The following FAM219A variants were observed in gnomAD, a reference collection of about 807,000 sequenced individuals.
FAM219A encodes family with sequence similarity 219 member A, also known as protein FAM219A.
A neutral mutation model predicts 23.4 loss-of-function variants in FAM219A; 7 were observed. That is an observed-to-expected ratio of 0.30 (90% CI 0.17 to 0.56). FAM219A has a LOEUF of 0.56. Ranked by LOEUF, FAM219A falls within the 20% of genes least tolerant of loss-of-function variation. The pLI, the probability that FAM219A is intolerant of heterozygous loss-of-function variation, is 0.92. For missense variants in FAM219A, 166 were observed against 246.9 expected (o/e 0.67, Z 2.20); for synonymous variants, 93 against 99.0 (o/e 0.94, Z 0.36).
At chr9:34,415,861 G>C (rs1821983483) in intron 1 of FAM219A, among the ~76,000 whole-genome samples, 3 of 152,176 alleles carry the variant, frequency 2.0e-5, no homozygotes, top group Non-Finnish European at 2.9e-5. Flanking sequence ...CTGATGTTCA[G>C]AAAGAAGTAA....
intron 1 of FAM219A, among the ~76,000 whole-genome samples, chr9:34,413,387 C>T (rs1312702511): frequency 4.6e-5 from 7 of 152,252 alleles, no homozygotes; most frequent in Admixed American, 3.3e-4. Context: ...CCTCATCTGT[C>T]ACCCAGCCAT....
intron 1 of FAM219A, among the ~76,000 whole-genome samples, chr9:34,454,570 A>T (rs1246908460): frequency 6.6e-6 from 1 of 151,960 alleles, no homozygotes; most frequent in African/African-American, 2.4e-5. Context: ...GAGGGAAGCC[A>T]CTCCTTTCAG....
chr9:34,404,525 T>G (rs1821563218), intron 2 of FAM219A, among the ~76,000 whole-genome samples: 1 of 152,174 alleles, frequency 6.6e-6, no homozygotes, highest in Non-Finnish European at 1.5e-5. Context: ...CTGGCCAACA[T>G]GGCGAAAGCC....
At chr9:34,406,150 G>A (rs950389220) in intron 1 of FAM219A, among the ~76,000 whole-genome samples, 186 bp from the exon 2 acceptor site, 1 of 152,206 alleles carries the variant, frequency 6.6e-6, no homozygotes, top group Non-Finnish European at 1.5e-5. Context: ...CACTGGGCTA[G>A]GTAGAAGAAC....
At chr9:34,402,299 A>T in intron 4 of FAM219A, 88 bp downstream of exon 4, 2 of 1,613,952 alleles carry the variant, frequency 1.2e-6, no homozygotes, top group Non-Finnish European at 1.7e-6. Context: ...CCCAATTCTG[A>T]CAATATAGCA....
chr9:34,441,997 A>T (rs938196571), intron 1 of FAM219A, among the ~76,000 whole-genome samples: 8 of 152,200 alleles, frequency 5.3e-5, no homozygotes, highest in Non-Finnish European at 8.8e-5. Context: ...GTGCTGAATT[A>T]CAGGCCACTA....
intron 1 of FAM219A, among the ~76,000 whole-genome samples, chr9:34,411,146 G>A (rs1479074052): frequency 6.6e-6 from 1 of 152,070 alleles, no homozygotes; most frequent in Non-Finnish European, 1.5e-5. Context: ...GCCCTCCTTA[G>A]GGTGATGAAA....
intron 1 of FAM219A, among the ~76,000 whole-genome samples, chr9:34,438,825 G>A (rs1220739793): frequency 2.0e-5 from 3 of 152,210 alleles, no homozygotes; most frequent in South Asian, 4.1e-4. Context: ...GAGAATAAAA[G>A]CAGGCTGCCC....
intron 5 of FAM219A, 67 bp from the exon 6 acceptor site, chr9:34,401,189 AC>A (rs1404692644): frequency 6.4e-7 from 1 of 1,564,916 alleles, no homozygotes; most frequent in Non-Finnish European, 8.7e-7. Flanking sequence ...CTCTGCGGCC[AC>A]TCCAGGCCGT....
intron 1 of FAM219A, among the ~76,000 whole-genome samples, chr9:34,455,881 C>T (rs1564021620): frequency 6.6e-6 from 1 of 152,140 alleles, no homozygotes; most frequent in African/African-American, 2.4e-5. Flanking sequence ...TTCCATAAGG[C>T]TCTCACTCAA....
At chr9:34,409,755 G>T (rs1821759180) in intron 1 of FAM219A, among the ~76,000 whole-genome samples, 1 of 152,214 alleles carries the variant, frequency 6.6e-6, no homozygotes, top group African/African-American at 2.4e-5. Context: ...CTGAGTGACT[G>T]TGAAGGGGAA....
chr9:34,436,045 T>G (rs1358857483), intron 1 of FAM219A, among the ~76,000 whole-genome samples: 1 of 152,150 alleles, frequency 6.6e-6, no homozygotes, highest in Admixed American at 6.5e-5. Flanking sequence ...CCTCAGGTGA[T>G]CTACCTGCCT....
chr9:34,455,312 G>T (rs1039401563), intron 1 of FAM219A, among the ~76,000 whole-genome samples: 1 of 152,044 alleles, frequency 6.6e-6, no homozygotes, highest in Non-Finnish European at 1.5e-5. Context: ...AAGGAGGAGA[G>T]ACTTCCTAGA....
intron 1 of FAM219A, among the ~76,000 whole-genome samples, chr9:34,439,695 G>C (rs1318935328): frequency 6.6e-6 from 1 of 152,068 alleles, no homozygotes; most frequent in Non-Finnish European, 1.5e-5. Flanking sequence ...AGGCCCTCAA[G>C]CAGAAGGGAG....
At chr9:34,437,744 G>C (rs936200446) in intron 1 of FAM219A, among the ~76,000 whole-genome samples, 1 of 152,248 alleles carries the variant, frequency 6.6e-6, no homozygotes, top group African/African-American at 2.4e-5. Context: ...AAGTGCTTCT[G>C]AGAGGTGACA....
In FAM219A at chr9:34,399,822, C is replaced by CT. The variant is rs1254213427; in HGVS notation, c.*1141dup. 5.3e-5 allele frequency: 8 copies of CT among 152,312 alleles called. No individual in the cohort carries two copies. The highest frequency in any genetic ancestry group is 1.2e-4 in the Non-Finnish European group (8 of 68,100). 9.4% of individuals were successfully genotyped at this position (152,312 alleles called of 1,614,324 possible). On this transcript the variant is annotated 3_prime_UTR_variant, in exon 6 of 6. Coordinates refer to ENST00000651358, the MANE Select transcript of FAM219A (RefSeq NM_001184940.2). The stretch of plus-strand genomic sequence containing the variant: ...CAGGCTTCTGACTCCCGGTCCAAGG[C>CT]TGTCAGCCCATTGCACTGCTGAGCC...
chr9:34,430,692 A>G (rs958594397), intron 1 of FAM219A, among the ~76,000 whole-genome samples: 5 of 151,184 alleles, frequency 3.3e-5, no homozygotes, highest in Non-Finnish European at 7.4e-5. Context: ...AACAAAAAAC[A>G]TTAGCTGGGC....
chr9:34,423,870 C>T (rs1171509741), intron 1 of FAM219A, among the ~76,000 whole-genome samples: 1 of 152,104 alleles, frequency 6.6e-6, no homozygotes, highest in Admixed American at 6.6e-5. Context: ...TAGGATGACT[C>T]CCAGGTTTCC....
intron 1 of FAM219A, among the ~76,000 whole-genome samples, chr9:34,421,408 C>G (rs1320163481): frequency 6.6e-6 from 1 of 152,102 alleles, no homozygotes; most frequent in Non-Finnish European, 1.5e-5. Flanking sequence ...CAATACTCAA[C>G]TGCTAAGCTA....
Sources: gnomAD v4.1 joint callset for allele counts (sites outside exome capture counted in the v4.1 genomes callset) on GRCh38, gnomAD v4.1.1 for gene constraint, MANE v1.5 for transcripts, NCBI Gene and HGNC (gene_info 2026-07-23, HGNC 2026-07-21) for gene names.